Variants in SYN3 observed in about 807,000 individuals in gnomAD.
SYN3 encodes synapsin III.
Under a neutral mutation model 65.8 loss-of-function variants are expected in SYN3, and 35 were observed. The ratio of observed to expected loss-of-function variants is 0.53; its 90% CI spans 0.41 to 0.70. The LOEUF is 0.70. Ranked by LOEUF, SYN3 falls within the 30% of genes least tolerant of loss-of-function variation. The pLI is 0.00. For missense variants in SYN3, 680 were observed against 749.0 expected (o/e 0.91, Z 1.08); for synonymous variants, 270 against 292.9 (o/e 0.92, Z 0.80).
chr22:32,680,331 T>C (rs2060506770), intron 6 of SYN3, among the ~76,000 whole-genome samples: 1 of 152,232 alleles, frequency 6.6e-6, no homozygotes, highest in South Asian at 2.1e-4. Context: ...ACCCTTTGCC[T>C]CTGCCTGAAT....
At chr22:33,006,235 G>C in intron 2 of SYN3, 117 bp downstream of exon 2, 1 of 1,234,200 alleles carries the variant, frequency 8.1e-7, no homozygotes, top group East Asian at 2.3e-5. Flanking sequence ...TCTCCAGCCA[G>C]GCTCTGATAG....
At chr22:32,967,817 G>A (rs1236850914) in intron 3 of SYN3, among the ~76,000 whole-genome samples, 1 of 152,234 alleles carries the variant, frequency 6.6e-6, no homozygotes. Flanking sequence ...TGAGCCCAGT[G>A]GGGGCTCCTC....
chr22:33,032,582 C>T (rs2053774797), intron 1 of SYN3, among the ~76,000 whole-genome samples: 1 of 151,690 alleles, frequency 6.6e-6, no homozygotes, highest in African/African-American at 2.4e-5. Flanking sequence ...AAATTATAAA[C>T]AAGACCTGAG....
intron 7 of SYN3, among the ~76,000 whole-genome samples, chr22:32,593,843 G>A (rs1022970259): frequency 3.3e-5 from 5 of 152,110 alleles, no homozygotes; most frequent in African/African-American, 1.2e-4. Flanking sequence ...AGATGGAATA[G>A]CCACGGTTAG....
chr22:32,753,568 AG>A (rs1278333247), intron 6 of SYN3, among the ~76,000 whole-genome samples: 2 of 152,230 alleles, frequency 1.3e-5, no homozygotes, highest in African/African-American at 2.4e-5. Context: ...CACGTTTCAC[AG>A]GAAAAGTCCC....
At chr22:32,739,053 A>T (rs914493361) in intron 6 of SYN3, among the ~76,000 whole-genome samples, 2 of 151,524 alleles carry the variant, frequency 1.3e-5, no homozygotes, top group Non-Finnish European at 2.9e-5. Flanking sequence ...GAAAGAGGGG[A>T]TGTTACTTAT....
chr22:32,842,790 C>T (rs901267015), intron 6 of SYN3, among the ~76,000 whole-genome samples: 1 of 151,998 alleles, frequency 6.6e-6, no homozygotes, highest in Non-Finnish European at 1.5e-5. Context: ...ACAGATGATA[C>T]GATATACTGT....
At chr22:32,786,696 G>A (rs1602145654) in intron 6 of SYN3, among the ~76,000 whole-genome samples, 1 of 152,210 alleles carries the variant, frequency 6.6e-6, no homozygotes, top group East Asian at 1.9e-4. Context: ...AAAGGAGGGG[G>A]GATTTAATAA....
intron 6 of SYN3, chr22:32,784,782 A>G (rs147497718): frequency 9.8e-5 from 15 of 152,362 alleles, no homozygotes; most frequent in Admixed American, 9.8e-4. Flanking sequence ...AGAGAACAGC[A>G]TATCGCAGCA....
chr22:32,928,485 G>A (rs186094673), intron 4 of SYN3, among the ~76,000 whole-genome samples: 2 of 152,324 alleles, frequency 1.3e-5, no homozygotes, highest in East Asian at 3.9e-4. Context: ...ATAAAGTGTT[G>A]AAGATCTCAT....
In SYN3 at chr22:33,006,774, A is replaced by G. The variant is rs2053210607; in HGVS notation, c.-112T>C. ...TGGTAGGACTTTAGCCAGAAGAGCC[A>G]GGGGGATTTTGCGCAACCAGCAGTC... On this transcript the variant is annotated 5_prime_UTR_variant, in exon 2 of 14. Coordinates refer to ENST00000358763, the MANE Select transcript of SYN3 (RefSeq NM_003490.4). The G allele has an allele frequency of 6.9e-6, 8 of 1,159,908 alleles. No individual in the cohort carries two copies. In the Admixed American group the frequency reaches 2.0e-4, roughly 29 times the overall value. 71.9% of individuals were successfully genotyped at this position (1,159,908 alleles called of 1,614,324 possible). A position where few individuals can be genotyped will look rare whatever the true frequency, so the allele number is the denominator to read the frequency against.
chr22:33,000,380 G>A (rs1296285584), intron 2 of SYN3, among the ~76,000 whole-genome samples: 1 of 152,088 alleles, frequency 6.6e-6, no homozygotes, highest in Non-Finnish European at 1.5e-5. Flanking sequence ...CAGCAAAGAC[G>A]GCTTTGAGAC....
At chr22:32,596,227 C>T (rs757739247) in intron 7 of SYN3, among the ~76,000 whole-genome samples, 17 of 152,178 alleles carry the variant, frequency 1.1e-4, no homozygotes, top group Non-Finnish European at 2.5e-4. Flanking sequence ...GCCTGTGGAG[C>T]CACAGCCATT....
rs58134482 is a variant in SYN3 at position 32,522,827 on chromosome 22, C to T, written c.1319-4493G>A. On this transcript the variant is annotated intron_variant, in intron 12 of 13. Coordinates refer to ENST00000358763, the MANE Select transcript of SYN3 (RefSeq NM_003490.4). ...CTCCTTTACACTGAGGAAACTGAGG[C>T]CCCGAGAAGTAATATGACTTGCCTA... 4.6e-3 allele frequency among the ~76,000 whole-genome samples: 704 copies of T among 152,184 alleles called. 8 individuals are homozygous for T. Among genetic ancestry groups the T allele is most frequent in the African/African-American group, 0.016 (668 of 41,516 alleles).
chr22:32,623,791 TAA>T (rs1047569323), intron 6 of SYN3, among the ~76,000 whole-genome samples: 3 of 152,180 alleles, frequency 2.0e-5, no homozygotes, highest in Non-Finnish European at 4.4e-5. Flanking sequence ...TTTCTAATAA[TAA>T]GAGGGGACTT....
intron 7 of SYN3, among the ~76,000 whole-genome samples, chr22:32,557,419 T>A (rs1197898274): frequency 6.6e-6 from 1 of 152,198 alleles, no homozygotes; most frequent in Non-Finnish European, 1.5e-5. Context: ...CAGTGGGTGT[T>A]GGCATGGGGC....
chr22:32,971,973 G>A (rs1161342751), intron 3 of SYN3, among the ~76,000 whole-genome samples: 2 of 152,218 alleles, frequency 1.3e-5, no homozygotes, highest in Non-Finnish European at 2.9e-5. Context: ...CTGGGGTGAT[G>A]GGGACAGGGA....
rs1393195220 is a variant in SYN3, at chr22:32,509,938, T to A, written c.*3754A>T. On this transcript the variant is annotated 3_prime_UTR_variant, in exon 14 of 14. Coordinates refer to ENST00000358763, the MANE Select transcript of SYN3 (RefSeq NM_003490.4). ...TGTCATGGATCTGGATATATGAGTA[T>A]GGTTATAAAAATCAGGATGCCTGGC... Among the ~76,000 whole-genome samples, 2 of 152,038 alleles carry A rather than the reference T, an allele frequency of 1.3e-5. No individual in the cohort carries two copies. The highest frequency in any genetic ancestry group is 1.3e-4 in the Admixed American group (2 of 15,272).
At chr22:32,873,519 T>TTATCTGCTCTGTACCCA (rs1317497482) in intron 4 of SYN3, among the ~76,000 whole-genome samples, 1 of 152,148 alleles carries the variant, frequency 6.6e-6, no homozygotes, top group South Asian at 2.1e-4. Context: ...TGTGCTGGTT[T>TTATCTGCTCTGTACCCA]TATCTGCTCT....
Sources: allele counts gnomAD v4.1 joint callset (sites outside exome capture counted in the v4.1 genomes callset), GRCh38; gene constraint gnomAD v4.1.1; transcripts MANE v1.5; gene names NCBI Gene and HGNC (gene_info 2026-07-23, HGNC 2026-07-21).